LRP8: variants seen among roughly 807,000 people sequenced by gnomAD.
LRP8 encodes low-density lipoprotein receptor-related protein 8.
A neutral mutation model predicts 111.6 loss-of-function variants in LRP8; 46 were observed. The ratio of observed to expected loss-of-function variants is 0.41; its 90% CI spans 0.33 to 0.53. LRP8 has a LOEUF of 0.53. LRP8 is among the 20% of genes least tolerant of loss of function. The pLI is 0.20. For missense variants in LRP8, 959 were observed against 1,297.4 expected (o/e 0.74, Z 4.01); for synonymous variants, 464 against 511.2 (o/e 0.91, Z 1.24).
chr1:53,283,136 CA>C (rs1647169185), intron 3 of LRP8, among the ~76,000 whole-genome samples: 1 of 152,222 alleles, frequency 6.6e-6, no homozygotes, highest in East Asian at 1.9e-4. Context: ...GTGATTAAGC[CA>C]TAACAGTACA....
At chr1:53,260,679 A>C in intron 12 of LRP8, 74 bp from the exon 13 acceptor site, 1 of 1,495,308 alleles carries the variant, frequency 6.7e-7, no homozygotes, top group Non-Finnish European at 9.2e-7. Flanking sequence ...GGTTGGCCCC[A>C]AACCATAGTC....
At chr1:53,321,622 G>T (rs1015181344) in intron 2 of LRP8, among the ~76,000 whole-genome samples, 1 of 152,148 alleles carries the variant, frequency 6.6e-6, no homozygotes, top group African/African-American at 2.4e-5. Context: ...AAGTTGTCAA[G>T]TCGGCCACCA....
At chr1:53,286,317 T>G (rs1374468617) in intron 3 of LRP8, among the ~76,000 whole-genome samples, 1 of 152,190 alleles carries the variant, frequency 6.6e-6, no homozygotes, top group Non-Finnish European at 1.5e-5. Context: ...ACTTACTGAG[T>G]GAGCTCAGAA....
chr1:53,271,204 G>T (rs772710086), intron 7 of LRP8, 23 bp downstream of exon 7: 4 of 1,613,822 alleles, frequency 2.5e-6, no homozygotes, highest in Non-Finnish European at 3.4e-6. Context: ...GCTTCTGCTT[G>T]GGGGTGTGGG....
intron 2 of LRP8, chr1:53,307,591 TACTC>T (rs982847853): frequency 1.2e-4 from 19 of 152,338 alleles, no homozygotes; most frequent in South Asian, 4.1e-4. Context: ...ATACTGAACA[TACTC>T]AGACACGCAT....
chr1:53,272,714 G>A (rs41294756), intron 6 of LRP8: 39,133 of 1,277,766 alleles, frequency 0.031, 683 homozygotes, highest in Non-Finnish European at 0.034. Context: ...CCAGCCCTGG[G>A]AAGCCTCAGA....
At chr1:53,314,828 C>T (rs759674218) in intron 2 of LRP8, among the ~76,000 whole-genome samples, 1 of 152,212 alleles carries the variant, frequency 6.6e-6, no homozygotes, top group Non-Finnish European at 1.5e-5. Context: ...AACACCTTCA[C>T]CAGGGCCTGC....
At chr1:53,272,725 C>T (rs1414624094) in intron 6 of LRP8, 16 of 1,256,880 alleles carry the variant, frequency 1.3e-5, no homozygotes, top group Non-Finnish European at 1.7e-5. Context: ...AAGCCTCAGA[C>T]CCTTGGAGGT....
Position 53,267,505 on chromosome 1 carries a change from T to C in LRP8, c.1253-858A>G, listed in dbSNP as rs551766319. 12 of 151,940 alleles carry C rather than the reference T, an allele frequency of 7.9e-5. 1 individual carries two copies. Among genetic ancestry groups the C allele is most frequent in the African/African-American group, 2.7e-4 (11 of 41,470 alleles). 9.4% of individuals were successfully genotyped at this position (151,940 alleles called of 1,614,324 possible). A position where few individuals can be genotyped will look rare whatever the true frequency, so the allele number is the denominator to read the frequency against. ...AAAAGATGATTCAGGATAGAAAGTA[T>C]TGGGGACATAGCAAGAGATGAGCTT... On this transcript the variant is annotated intron_variant, in intron 8 of 18. Coordinates refer to ENST00000306052, the MANE Select transcript of LRP8 (RefSeq NM_004631.5).
At chr1:53,283,050 C>T (rs577959501) in intron 3 of LRP8, among the ~76,000 whole-genome samples, 3 of 152,158 alleles carry the variant, frequency 2.0e-5, no homozygotes, top group Admixed American at 1.3e-4. Flanking sequence ...ATGGTCTGAA[C>T]GTTGGTATCC....
At chr1:53,312,273 C>G (rs1335043675) in intron 2 of LRP8, among the ~76,000 whole-genome samples, 1 of 152,236 alleles carries the variant, frequency 6.6e-6, no homozygotes, top group Non-Finnish European at 1.5e-5. Context: ...GCTCCCTACT[C>G]AGAATGTTTG....
chr1:53,277,054 C>A lies in LRP8; in HGVS notation c.521G>T (p.Cys174Phe). 1 of 1,523,312 alleles carries A rather than the reference C, an allele frequency of 6.6e-7. No homozygotes were observed. Among genetic ancestry groups the A allele is most frequent in the Non-Finnish European group, 8.8e-7 (1 of 1,140,696 alleles). 94.4% of individuals were successfully genotyped at this position (1,523,312 alleles called of 1,614,324 possible). Residue 174 changes from cysteine to phenylalanine, a missense_variant, in exon 5 of 19, where the codon TGC becomes TTC. Coordinates refer to ENST00000306052, the MANE Select transcript of LRP8 (RefSeq NM_004631.5). ...ATLCAPHEFQCGNRSCLAAVF... is the reference protein window; with the variant it reads ...ATLCAPHEFQFGNRSCLAAVF... ...GGCGGCCAGGCACGAGCGGTTGCCG[C>A]ACTGGAACTCGTGCGGGGCGCACAC...
At chr1:53,252,922 T>C (rs977438248) in intron 16 of LRP8, among the ~76,000 whole-genome samples, 1 of 152,194 alleles carries the variant, frequency 6.6e-6, no homozygotes, top group Non-Finnish European at 1.5e-5. Context: ...TGTAGGAATA[T>C]ATAAATCAGT....
chr1:53,245,092 C>T lies in LRP8; in HGVS notation c.*1926G>A, dbSNP rs1170033924. 6.6e-6 allele frequency: 1 copy of T among 152,118 alleles called. No homozygotes were observed. The highest frequency in any genetic ancestry group is 6.5e-5 in the Admixed American group (1 of 15,270). 9.4% of individuals were successfully genotyped at this position (152,118 alleles called of 1,614,324 possible). A position where few individuals can be genotyped will look rare whatever the true frequency, so the allele number is the denominator to read the frequency against. ...GTTATTTTCTTAGAGTTTAGGAGGC[C>T]AAGAGTGACACAGAGGAAGGTCCTA... On this transcript the variant is annotated 3_prime_UTR_variant, in exon 19 of 19. Transcript: ENST00000306052.
intron 3 of LRP8, among the ~76,000 whole-genome samples, chr1:53,286,700 A>G (rs963214540): frequency 5.3e-5 from 8 of 152,360 alleles, no homozygotes; most frequent in African/African-American, 9.6e-5. Flanking sequence ...GGGACAGACA[A>G]CATAATCGGG....
intron 2 of LRP8, among the ~76,000 whole-genome samples, chr1:53,316,627 A>G (rs1653843438): frequency 6.6e-6 from 1 of 152,222 alleles, no homozygotes; most frequent in Non-Finnish European, 1.5e-5. Context: ...GACTCCCACC[A>G]TGTGAATCCC....
At chr1:53,288,155 T>C (rs1221102290) in intron 3 of LRP8, 2 of 152,096 alleles carry the variant, frequency 1.3e-5, no homozygotes, top group African/African-American at 4.8e-5. Flanking sequence ...AGGGAAAAGC[T>C]CCCTGTGGCC....
In LRP8 at chr1:53,317,370, C is replaced by T. The variant is rs976604489; in HGVS notation, c.244+9503G>A. Among the ~76,000 whole-genome samples, 3 of 152,198 alleles carry T rather than the reference C, an allele frequency of 2.0e-5. No homozygotes were observed. The highest frequency in any genetic ancestry group is 4.8e-5 in the African/African-American group (2 of 41,452). ...ACGTGGCTAACTACCGTGGCAGGCC[C>T]GGCTGGCTAACCAGCCCCACTGGGC... On this transcript the variant is annotated intron_variant, in intron 2 of 18. Coordinates refer to ENST00000306052, the MANE Select transcript of LRP8 (RefSeq NM_004631.5). The surrounding 1 kb of genome is among the most constrained non-coding windows in gnomAD (Gnocchi z 4.9).
chr1:53,263,031 C>G (rs1646402237), intron 10 of LRP8, among the ~76,000 whole-genome samples: 1 of 152,226 alleles, frequency 6.6e-6, no homozygotes, highest in African/African-American at 2.4e-5. Flanking sequence ...TAACCCACTC[C>G]TTTGTAAATA....
Sources: gnomAD v4.1 joint callset for allele counts (sites outside exome capture counted in the v4.1 genomes callset) on GRCh38, gnomAD v4.1.1 for gene constraint, Gnocchi (gnomAD v3.1) non-coding constraint, MANE v1.5 for transcripts, NCBI Gene and HGNC (gene_info 2026-07-23, HGNC 2026-07-21) for gene names.